Variants in KCNH1 observed in about 807,000 individuals in gnomAD.
KCNH1 encodes voltage-gated delayed rectifier potassium channel KCNH1.
KCNH1 carries 27 observed loss-of-function variants against 69.2 expected under a neutral mutation model. That is an observed-to-expected ratio of 0.39 (90% confidence interval 0.29 to 0.54). KCNH1 has a LOEUF of 0.54. Ranked by LOEUF, KCNH1 falls within the 20% of genes least tolerant of loss-of-function variation. The pLI is 0.68. For missense variants in KCNH1, 798 were observed against 1,261.6 expected (o/e 0.63, Z 5.57); for synonymous variants, 456 against 487.7 (o/e 0.93, Z 0.86).
rs142855028 is a variant in KCNH1 at position 210,963,040 on chromosome 1, T to C, written c.1033-42971A>G. Among the ~76,000 whole-genome samples, 63 of 152,036 alleles carry C rather than the reference T, an allele frequency of 4.1e-4. 1 individual carries two copies. Among genetic ancestry groups the C allele is most frequent in the Admixed American group, 9.9e-4 (15 of 15,198 alleles). Reference sequence around the variant, plus strand: ...TTTTCTTATTGCTTTGTGGAACTTTTCTTTAAAAAAGTATTCCCAAATCGT... The same window carrying C: ...TTTTCTTATTGCTTTGTGGAACTTTCCTTTAAAAAAGTATTCCCAAATCGT... On this transcript the variant is annotated intron_variant, in intron 6 of 10. Transcript: ENST00000271751.
rs376348055 is a variant in KCNH1 at position 210,976,234 on chromosome 1, G to C, written c.1032+42549C>G. ...AGAACTAGAAATACCATTTGACCCAGCCATCCCATTACTGGGTACATACCC... is the reference window on the plus strand; with the variant it reads ...AGAACTAGAAATACCATTTGACCCACCCATCCCATTACTGGGTACATACCC... On this transcript the variant is annotated intron_variant, in intron 6 of 10. Transcript: ENST00000271751. Among the ~76,000 whole-genome samples, 10 of 152,078 alleles carry C rather than the reference G, an allele frequency of 6.6e-5. No homozygotes were observed. The East Asian group carries it at 1.9e-3, about 29-fold the overall frequency.
chr1:210,743,947 C>T (rs1314379553), intron 10 of KCNH1, among the ~76,000 whole-genome samples: 3 of 152,196 alleles, frequency 2.0e-5, no homozygotes, highest in Admixed American at 2.0e-4. Context: ...GGGGCTTCTA[C>T]TGTCCATTGA....
chr1:210,834,556 G>T (rs1456146976), intron 7 of KCNH1, among the ~76,000 whole-genome samples: 1 of 99,842 alleles, frequency 1.0e-5, no homozygotes, highest in African/African-American at 3.9e-5. Context: ...AGGGGGGAGG[G>T]ATAGCATTGG....
chr1:210,739,429 A>G (rs1395493944), intron 10 of KCNH1, among the ~76,000 whole-genome samples: 1 of 152,188 alleles, frequency 6.6e-6, no homozygotes, highest in Non-Finnish European at 1.5e-5. Flanking sequence ...CCCCCAAGCA[A>G]CAGCTAGAGG....
chr1:211,073,976 A>C (rs1690690011), intron 5 of KCNH1, among the ~76,000 whole-genome samples: 1 of 151,872 alleles, frequency 6.6e-6, no homozygotes, highest in South Asian at 2.1e-4. Context: ...TAACTAAAAC[A>C]TACTAGCCCC....
chr1:210,727,389 C>G (rs1367420264), intron 10 of KCNH1, among the ~76,000 whole-genome samples: 1 of 152,110 alleles, frequency 6.6e-6, no homozygotes, highest in Non-Finnish European at 1.5e-5. Flanking sequence ...GATAGCGATA[C>G]AGTCTCCCTA....
At chr1:211,121,307 G>T (rs972718850) in intron 1 of KCNH1, among the ~76,000 whole-genome samples, 4 of 152,122 alleles carry the variant, frequency 2.6e-5, no homozygotes, top group Non-Finnish European at 5.9e-5. Context: ...AACCAAAACA[G>T]CATGGTACTG....
intron 10 of KCNH1, among the ~76,000 whole-genome samples, chr1:210,760,095 T>G (rs1253384760): frequency 6.6e-6 from 1 of 152,124 alleles, no homozygotes; most frequent in African/African-American, 2.4e-5. Flanking sequence ...AAACCATCCC[T>G]GCCACCCCAG....
At chr1:210,807,491 A>G (rs1245476396) in intron 7 of KCNH1, among the ~76,000 whole-genome samples, 1 of 152,128 alleles carries the variant, frequency 6.6e-6, no homozygotes. Context: ...ACATGCCTGT[A>G]GTCCCAGCAA....
intron 3 of KCNH1, among the ~76,000 whole-genome samples, chr1:211,100,630 C>T (rs1360194993): frequency 6.6e-6 from 1 of 152,224 alleles, no homozygotes; most frequent in East Asian, 1.9e-4. Context: ...GGATTACAGG[C>T]ATGAGCCACT....
intron 10 of KCNH1, among the ~76,000 whole-genome samples, chr1:210,770,725 C>T (rs998634300): frequency 8.5e-5 from 13 of 152,190 alleles, no homozygotes; most frequent in African/African-American, 2.7e-4. Flanking sequence ...AGTGTATTGG[C>T]GGTGGCAAAG....
intron 7 of KCNH1, among the ~76,000 whole-genome samples, chr1:210,865,356 T>G (rs1686084700): frequency 6.6e-6 from 1 of 152,242 alleles, no homozygotes; most frequent in Admixed American, 6.5e-5. Context: ...AAAGTTTAGA[T>G]AACTTGACCA....
At chr1:210,903,560 G>A (rs529631491) in intron 7 of KCNH1, among the ~76,000 whole-genome samples, 90 of 152,174 alleles carry the variant, frequency 5.9e-4, no homozygotes, top group South Asian at 3.3e-3. Context: ...GTAAAAAATC[G>A]TCTATTTGCT....
intron 5 of KCNH1, among the ~76,000 whole-genome samples, chr1:211,020,716 A>G (rs560753076): frequency 4.4e-4 from 67 of 152,230 alleles, no homozygotes; most frequent in Middle Eastern, 3.4e-3. Context: ...AATATTCCTG[A>G]TGAACCTACA....
At chr1:210,963,209 A>C (rs941502023) in intron 6 of KCNH1, among the ~76,000 whole-genome samples, 2 of 152,036 alleles carry the variant, frequency 1.3e-5, no homozygotes, top group African/African-American at 4.8e-5. Flanking sequence ...CTTAGAAGGA[A>C]AACTAAAAAA....
chr1:210,930,756 G>A (rs958200562), intron 6 of KCNH1, among the ~76,000 whole-genome samples: 1 of 152,194 alleles, frequency 6.6e-6, no homozygotes, highest in African/African-American at 2.4e-5. Flanking sequence ...ACAACCCACA[G>A]AGTGGGAGAA....
At chr1:210,907,307 C>G (rs975963612) in intron 7 of KCNH1, among the ~76,000 whole-genome samples, 6 of 152,110 alleles carry the variant, frequency 3.9e-5, no homozygotes, top group African/African-American at 1.4e-4. Context: ...AGGACTCACT[C>G]TACTGGGAAG....
At chr1:210,957,360 C>T (rs115607824) in intron 6 of KCNH1, among the ~76,000 whole-genome samples, 12,012 of 152,062 alleles carry the variant, frequency 0.079, 672 homozygotes, top group South Asian at 0.18. Flanking sequence ...AGAAAAAGTG[C>T]GATGTGGTTC....
At chr1:211,087,641 A>ACACACG (rs1690980726) in intron 4 of KCNH1, among the ~76,000 whole-genome samples, 5 of 38,722 alleles carry the variant, frequency 1.3e-4, no homozygotes, top group African/African-American at 4.2e-4. Context: ...ACACACACGC[A>ACACACG]CACACACACA....
Sources: gnomAD v4.1 joint callset for allele counts (sites outside exome capture counted in the v4.1 genomes callset) on GRCh38, gnomAD v4.1.1 for gene constraint, MANE v1.5 for transcripts, NCBI Gene and HGNC (gene_info 2026-07-23, HGNC 2026-07-21) for gene names.